THEMIS: variants seen among roughly 807,000 people sequenced by gnomAD.
THEMIS encodes protein THEMIS.
In THEMIS, 37 loss-of-function variants were observed where a neutral mutation model predicts 52.6. That is an observed-to-expected ratio of 0.70 (90% confidence interval 0.54 to 0.93). The LOEUF (loss-of-function observed/expected upper bound fraction) is 0.93. Ranked by LOEUF, THEMIS falls within the 40% of genes least tolerant of loss-of-function variation. The pLI is 0.00. For synonymous variants in THEMIS, 292 were observed against 272.7 expected, an observed-to-expected ratio of 1.07 and a Z score of -0.70; for missense variants, 808 against 763.1, an observed-to-expected ratio of 1.06 and a Z score of -0.69.
In THEMIS at chr6:127,729,605, C is replaced by T. The variant is rs1489240671; in HGVS notation, c.1759-9782G>A. ...TGAGTGCCTCCCCCTTGGAATATGA[C>T]CCTTTCTCTTCCACTCTTCCCATGA... On this transcript the variant is annotated intron_variant, in intron 4 of 5. Coordinates refer to ENST00000368248, the MANE Select transcript of THEMIS (RefSeq NM_001010923.3). Among the ~76,000 whole-genome samples the T allele has an allele frequency of 3.3e-5, 5 of 152,214 alleles. No individual in the cohort carries two copies. In the East Asian group the frequency reaches 9.7e-4, roughly 29 times the overall value.
intron 4 of THEMIS, among the ~76,000 whole-genome samples, chr6:127,752,132 C>T (rs911124626): frequency 1.3e-5 from 2 of 151,536 alleles, no homozygotes; most frequent in Non-Finnish European, 3.0e-5. Flanking sequence ...GAAAACACAA[C>T]ATATCCAAAC....
chr6:127,781,319 C>T (rs1373829781), intron 4 of THEMIS, among the ~76,000 whole-genome samples: 6 of 151,870 alleles, frequency 4.0e-5, no homozygotes, highest in East Asian at 2.0e-4. Context: ...TCTTAGCTTC[C>T]TTGCATGGGG....
intron 1 of THEMIS, among the ~76,000 whole-genome samples, chr6:127,884,053 C>T (rs765056990): frequency 6.6e-5 from 10 of 152,162 alleles, no homozygotes; most frequent in Non-Finnish European, 1.5e-5. Context: ...AATCACCTGA[C>T]AAAACCAAAC....
chr6:127,702,082 G>T, the THEMIS span, among the ~76,000 whole-genome samples: 1 of 151,686 alleles, frequency 6.6e-6, no homozygotes, highest in East Asian at 1.9e-4. Flanking sequence ...CTTTTACCAA[G>T]AATTCAATTG....
chr6:127,703,035 GTTTTTTTTTTTTTTT>G, the THEMIS span, among the ~76,000 whole-genome samples: 540 of 82,408 alleles, frequency 6.6e-3, 30 homozygotes, highest in Admixed American at 0.014. Flanking sequence ...TTTAGAATGA[GTTTTTTTTTTTTTTT>G]TTTTTTTTTT....
At chr6:127,835,485 T>C (rs190287137) in intron 2 of THEMIS, among the ~76,000 whole-genome samples, 1 of 152,174 alleles carries the variant, frequency 6.6e-6, no homozygotes, top group South Asian at 2.1e-4. Context: ...GGTGATTAAA[T>C]AAGCTAATAC....
At chr6:127,812,787 G>T in intron 4 of THEMIS, 96 bp downstream of exon 4, 1 of 1,276,960 alleles carries the variant, frequency 7.8e-7, no homozygotes, top group Non-Finnish European at 1.1e-6. Flanking sequence ...TGGCATGAAA[G>T]AAAGAAAAGT....
At chr6:127,850,183 T>A (rs1779372528) in intron 2 of THEMIS, among the ~76,000 whole-genome samples, 1 of 151,766 alleles carries the variant, frequency 6.6e-6, no homozygotes, top group Admixed American at 6.6e-5. Context: ...AAAACCACAA[T>A]GAGATACCAC....
chr6:127,876,960 C>T (rs986174462), intron 1 of THEMIS, among the ~76,000 whole-genome samples: 7 of 152,062 alleles, frequency 4.6e-5, no homozygotes, highest in African/African-American at 1.7e-4. Context: ...TACAATAAGG[C>T]AAGTCACACA....
At chr6:127,819,428 A>G (rs1778258412) in intron 3 of THEMIS, among the ~76,000 whole-genome samples, 1 of 152,152 alleles carries the variant, frequency 6.6e-6, no homozygotes, top group African/African-American at 2.4e-5. Context: ...ATTTTCCAAA[A>G]TAAATGCAGC....
rs77155033 is a variant in THEMIS at position 127,710,166 on chromosome 6, GAA to G, written c.1895-152_1895-151del. ...AAGCAGAAAGAGCCAGCAAAATAAA[GAA>G]AAAAAAAAAAGAAACAGAAGAAAGT... On this transcript the variant is annotated intron_variant, in intron 5 of 5. Coordinates refer to ENST00000368248, the MANE Select transcript of THEMIS (RefSeq NM_001010923.3). The G allele has an allele frequency of 9.4e-3, 3,301 of 352,454 alleles. 10 individuals are homozygous for G. Among genetic ancestry groups the G allele is most frequent in the Non-Finnish European group, 0.013 (2,586 of 204,258 alleles). 21.8% of individuals were successfully genotyped at this position (352,454 alleles called of 1,614,324 possible).
intron 4 of THEMIS, among the ~76,000 whole-genome samples, chr6:127,737,037 G>C (rs1266349181): frequency 6.6e-6 from 1 of 152,088 alleles, no homozygotes; most frequent in African/African-American, 2.4e-5. Context: ...TGCCTTTAAA[G>C]TTAGACTGTA....
chr6:127,827,530 G>A (rs1411337966), intron 3 of THEMIS, among the ~76,000 whole-genome samples: 3 of 152,004 alleles, frequency 2.0e-5, no homozygotes, highest in African/African-American at 7.2e-5. Flanking sequence ...CTTTCTTCTC[G>A]GTCTTGGTTA....
chr6:127,745,900 A>C (rs1291775679), intron 4 of THEMIS, among the ~76,000 whole-genome samples: 2 of 151,854 alleles, frequency 1.3e-5, no homozygotes, highest in Admixed American at 1.3e-4. Context: ...AATTTAACAC[A>C]TTATGTTTAC....
intron 2 of THEMIS, among the ~76,000 whole-genome samples, chr6:127,845,329 G>A (rs1779177987): frequency 1.3e-5 from 2 of 151,872 alleles, no homozygotes; most frequent in Non-Finnish European, 2.9e-5. Flanking sequence ...TAATACAGAA[G>A]AGCAGGTCAA....
At chr6:127,740,428 T>C (rs950377112) in intron 4 of THEMIS, among the ~76,000 whole-genome samples, 1 of 126,910 alleles carries the variant, frequency 7.9e-6, no homozygotes, top group Non-Finnish European at 1.7e-5. Context: ...CTTTATTGGA[T>C]GTAAAATTCA....
chr6:127,739,161 T>C (rs1265453600), intron 4 of THEMIS, among the ~76,000 whole-genome samples: 3 of 152,138 alleles, frequency 2.0e-5, no homozygotes, highest in Admixed American at 6.6e-5. Flanking sequence ...CAAACACCCC[T>C]TCTCAAGATC....
chr6:127,774,969 C>G (rs543896353), intron 4 of THEMIS, among the ~76,000 whole-genome samples: 1 of 152,246 alleles, frequency 6.6e-6, no homozygotes, highest in African/African-American at 2.4e-5. Flanking sequence ...AAGAGAACCA[C>G]AATACATACC....
chr6:127,850,438 C>T (rs980054784), intron 2 of THEMIS, among the ~76,000 whole-genome samples: 4 of 151,822 alleles, frequency 2.6e-5, no homozygotes, highest in Non-Finnish European at 5.9e-5. Context: ...CATGCATACA[C>T]ATGTTTATAA....
Sources: gnomAD v4.1 joint callset for allele counts (sites outside exome capture counted in the v4.1 genomes callset) on GRCh38, gnomAD v4.1.1 for gene constraint, MANE v1.5 for transcripts, NCBI Gene and HGNC (gene_info 2026-07-23, HGNC 2026-07-21) for gene names.